Variants in STK24 observed in about 807,000 individuals in gnomAD.
STK24 encodes the protein serine/threonine kinase 24.
Under a neutral mutation model 55.6 loss-of-function variants are expected in STK24, and 21 were observed. That is an observed-to-expected ratio of 0.38 (90% CI 0.27 to 0.54). The LOEUF (loss-of-function observed/expected upper bound fraction) is 0.54. Among genes scored for constraint, STK24 ranks in the 20% least tolerant of loss-of-function variants. STK24 has a pLI of 0.79. For missense variants in STK24, 383 were observed against 538.4 expected, an observed-to-expected ratio of 0.71 and a Z score of 2.86; for synonymous variants, 200 against 215.2, an observed-to-expected ratio of 0.93 and a Z score of 0.62.
At chr13:98,457,595 G>A (rs749284972) in intron 9 of STK24, among the ~76,000 whole-genome samples, 3 of 151,186 alleles carry the variant, frequency 2.0e-5, no homozygotes, top group Admixed American at 6.6e-5. Flanking sequence ...TCAGCCTCCC[G>A]AGTAGCTGGG....
In STK24 at chr13:98,450,039, A is replaced by ATGATTGAT. The variant is rs60259286; in HGVS notation, c.*3126_*3133dup. On this transcript the variant is annotated 3_prime_UTR_variant, in exon 11 of 11. Coordinates refer to ENST00000539966, the MANE Select transcript of STK24 (RefSeq NM_001032296.4). The stretch of plus-strand genomic sequence containing the variant: ...AGTCTCCTCAGCTATTTATTTCTGA[A>ATGATTGAT]TGATTGATTGATTCCAAACTACTTG... 9 of 151,980 alleles carry ATGATTGAT rather than the reference A, an allele frequency of 5.9e-5. No homozygotes were observed. Among genetic ancestry groups the ATGATTGAT allele is most frequent in the African/African-American group, 7.2e-5 (3 of 41,470 alleles). 9.4% of individuals were successfully genotyped at this position (151,980 alleles called of 1,614,324 possible). A position where few individuals can be genotyped will look rare whatever the true frequency, so the allele number is the denominator to read the frequency against.
At chr13:98,555,785 A>C (rs1897274716) in intron 1 of STK24, among the ~76,000 whole-genome samples, 1 of 138,754 alleles carries the variant, frequency 7.2e-6, no homozygotes, top group Non-Finnish European at 1.5e-5. Context: ...GGTTCACGCC[A>C]TTCTCCTGCC....
intron 1 of STK24, among the ~76,000 whole-genome samples, chr13:98,568,454 C>G (rs1217375693): frequency 1.3e-5 from 2 of 152,148 alleles, no homozygotes; most frequent in Non-Finnish European, 2.9e-5. Flanking sequence ...ATCTCACAGC[C>G]AGGCTCCCAA....
At chr13:98,463,385 A>C (rs1169668304) in intron 7 of STK24, among the ~76,000 whole-genome samples, 1 of 152,206 alleles carries the variant, frequency 6.6e-6, no homozygotes, top group Non-Finnish European at 1.5e-5. Context: ...AGGGTTTTAC[A>C]AACAGGAAGT....
intron 1 of STK24, among the ~76,000 whole-genome samples, chr13:98,534,390 A>C (rs1410468696): frequency 6.6e-6 from 1 of 152,186 alleles, no homozygotes; most frequent in East Asian, 1.9e-4. Context: ...GCATGGGCTG[A>C]ACTAACTTCG....
At chr13:98,462,694 C>T (rs1160921948) in intron 7 of STK24, among the ~76,000 whole-genome samples, 1 of 152,144 alleles carries the variant, frequency 6.6e-6, no homozygotes, top group Non-Finnish European at 1.5e-5. Context: ...TTCACCTGCC[C>T]AGCTTTCTCA....
intron 1 of STK24, 43 bp from the exon 2 acceptor site, chr13:98,519,516 T>C (rs1456314117): frequency 6.9e-7 from 1 of 1,458,020 alleles, no homozygotes; most frequent in East Asian, 2.3e-5. Flanking sequence ...TAGTCCCTCA[T>C]AGCACCACAA....
intron 3 of STK24, among the ~76,000 whole-genome samples, chr13:98,479,469 G>A (rs1395237914): frequency 1.3e-5 from 2 of 152,144 alleles, no homozygotes; most frequent in Non-Finnish European, 2.9e-5. Context: ...CGGAAAAGGT[G>A]GCTGCTAAGG....
chr13:98,503,024 G>GTTTTGTTTTTTTTTTTTTTT (rs1555306357), intron 2 of STK24, among the ~76,000 whole-genome samples: 4 of 107,058 alleles, frequency 3.7e-5, no homozygotes, highest in African/African-American at 1.6e-4. Context: ...CTTTCCATGT[G>GTTTTGTTTTTTTTTTTTTTT]TTTTTTTTTT....
intron 2 of STK24, among the ~76,000 whole-genome samples, chr13:98,499,366 C>G (rs777949509): frequency 6.6e-6 from 1 of 152,164 alleles, no homozygotes; most frequent in Non-Finnish European, 1.5e-5. Context: ...TCAGGTCAGT[C>G]GGGTGGGGAT....
At chr13:98,490,692 A>G (rs1262394765) in intron 2 of STK24, among the ~76,000 whole-genome samples, 3 of 152,128 alleles carry the variant, frequency 2.0e-5, no homozygotes, top group Non-Finnish European at 2.9e-5. Flanking sequence ...GACAGCTTCC[A>G]GTGTTGGAGA....
intron 1 of STK24, among the ~76,000 whole-genome samples, chr13:98,575,402 T>TACACAC (rs769540722): frequency 6.0e-4 from 59 of 98,638 alleles, no homozygotes; most frequent in East Asian, 5.0e-3. Flanking sequence ...ATACTGCTTA[T>TACACAC]ATATACACAC....
chr13:98,576,331 C>T (rs994005415), intron 1 of STK24: 9 of 622,502 alleles, frequency 1.4e-5, no homozygotes, highest in Non-Finnish European at 1.8e-5. Context: ...GGGGACGCGT[C>T]CTGGGGCCCT....
At chr13:98,547,636 T>C (rs1897059835) in intron 1 of STK24, among the ~76,000 whole-genome samples, 1 of 152,234 alleles carries the variant, frequency 6.6e-6, no homozygotes, top group Non-Finnish European at 1.5e-5. Flanking sequence ...CTGAGACACC[T>C]CTTGTCCAGG....
chr13:98,532,447 A>C (rs1228368411), intron 1 of STK24, among the ~76,000 whole-genome samples: 1 of 148,566 alleles, frequency 6.7e-6, no homozygotes, highest in African/African-American at 2.5e-5. Flanking sequence ...TCCCACACAC[A>C]TCCCATCCCA....
At chr13:98,522,117 G>A in intron 1 of STK24, 1 of 1,279,286 alleles carries the variant, frequency 7.8e-7, no homozygotes. Context: ...GTGCTGCAAT[G>A]TCGTGTCTGA....
intron 3 of STK24, among the ~76,000 whole-genome samples, chr13:98,477,921 T>C (rs1894439273): frequency 6.6e-6 from 1 of 152,148 alleles, no homozygotes; most frequent in Non-Finnish European, 1.5e-5. Flanking sequence ...GCTGGCTCTG[T>C]GATGACTGTC....
At chr13:98,558,137 T>C (rs1897322780) in intron 1 of STK24, among the ~76,000 whole-genome samples, 1 of 152,210 alleles carries the variant, frequency 6.6e-6, no homozygotes, top group South Asian at 2.1e-4. Context: ...CTGTTAGTCA[T>C]CTAATCCCAA....
chr13:98,512,561 C>T (rs572693196), intron 2 of STK24, among the ~76,000 whole-genome samples: 2 of 140,838 alleles, frequency 1.4e-5, no homozygotes, highest in African/African-American at 2.6e-5. Flanking sequence ...CCTAAACACA[C>T]ACAAAGTAAG....
Sources: allele counts gnomAD v4.1 joint callset (sites outside exome capture counted in the v4.1 genomes callset), GRCh38; gene constraint gnomAD v4.1.1; transcripts MANE v1.5; gene names NCBI Gene and HGNC (gene_info 2026-07-23, HGNC 2026-07-21).